L3MBTL4: variants seen among roughly 807,000 people sequenced by gnomAD.
The protein encoded by L3MBTL4 is lethal(3)malignant brain tumor-like protein 4.
L3MBTL4 carries 70 observed loss-of-function variants against 84.5 expected under a neutral mutation model. That is an observed-to-expected ratio of 0.83 (90% CI 0.68 to 1.01). The LOEUF (loss-of-function observed/expected upper bound fraction) is 1.01, where lower values mean the gene tolerates loss of function less well. L3MBTL4 is among the 50% of genes least tolerant of loss of function. The pLI is 0.00. For synonymous variants in L3MBTL4, 274 were observed against 259.8 expected, an observed-to-expected ratio of 1.05 and a Z score of -0.52; for missense variants, 715 against 754.8, an observed-to-expected ratio of 0.95 and a Z score of 0.62.
intron 1 of L3MBTL4, among the ~76,000 whole-genome samples, chr18:6,358,567 A>G (rs1462224700): frequency 6.6e-6 from 1 of 152,246 alleles, no homozygotes; most frequent in Non-Finnish European, 1.5e-5. Context: ...GCAAAAGTCT[A>G]AGGCTTACGG....
intron 1 of L3MBTL4, among the ~76,000 whole-genome samples, chr18:6,331,680 T>C (rs565577328): frequency 2.1e-4 from 32 of 152,166 alleles, no homozygotes; most frequent in African/African-American, 7.2e-4. Context: ...CTTGGTAAGA[T>C]ACGAACAATT....
chr18:5,978,219 A>G (rs472334), intron 16 of L3MBTL4, among the ~76,000 whole-genome samples: 109,694 of 152,022 alleles, frequency 0.72, 41,196 homozygotes, highest in East Asian at 0.95. Flanking sequence ...AGTTGTTTGT[A>G]ACATGAAATC....
At chr18:6,237,609 C>T (rs2047268797) in intron 10 of L3MBTL4, among the ~76,000 whole-genome samples, 1 of 151,754 alleles carries the variant, frequency 6.6e-6, no homozygotes, top group South Asian at 2.1e-4. Context: ...GTGCCCACCA[C>T]CACACCCAGC....
At chr18:6,272,434 A>T in intron 4 of L3MBTL4, among the ~76,000 whole-genome samples, 1 of 146,834 alleles carries the variant, frequency 6.8e-6, no homozygotes, top group Non-Finnish European at 1.5e-5. Flanking sequence ...ACTGAATATA[A>T]GGAACACAGA....
chr18:6,018,458 C>G (rs2055101437), intron 16 of L3MBTL4, among the ~76,000 whole-genome samples: 1 of 152,124 alleles, frequency 6.6e-6, no homozygotes, highest in Non-Finnish European at 1.5e-5. Context: ...TGACACCAAC[C>G]CCTTTTCCTA....
intron 1 of L3MBTL4, among the ~76,000 whole-genome samples, chr18:6,350,837 G>T (rs1168080620): frequency 2.6e-5 from 4 of 152,118 alleles, no homozygotes; most frequent in Non-Finnish European, 5.9e-5. Context: ...TGTCCATTAT[G>T]GATGAATCGA....
intron 16 of L3MBTL4, among the ~76,000 whole-genome samples, chr18:6,051,393 G>A (rs977029501): frequency 9.2e-5 from 14 of 152,260 alleles, no homozygotes; most frequent in African/African-American, 3.4e-4. Flanking sequence ...ACAAAAACTA[G>A]CCAGGCATGA....
At position 6,069,080 on chromosome 18, in the gene L3MBTL4, T is replaced by C. The variant is rs958608298; in HGVS notation, c.1444+11801A>G. The stretch of plus-strand genomic sequence containing the variant: ...GAACTAATTTCAAGTCTCCCAGCAG[T>C]GTACACCAGCACCATCTTTGATGGA... On this transcript the variant is annotated intron_variant, in intron 16 of 18. Coordinates refer to ENST00000317931, the MANE Select transcript of L3MBTL4 (RefSeq NM_001330559.2). 2.6e-5 allele frequency among the ~76,000 whole-genome samples: 4 copies of C among 152,216 alleles called. No individual in the cohort carries two copies. In the East Asian group the frequency reaches 7.7e-4, roughly 29 times the overall value.
intron 16 of L3MBTL4, among the ~76,000 whole-genome samples, chr18:6,012,562 T>G (rs1017746079): frequency 6.6e-6 from 1 of 152,070 alleles, no homozygotes; most frequent in African/African-American, 2.4e-5. Flanking sequence ...CAGTGGCTCA[T>G]GCCTATAATC....
At chr18:6,339,765 A>G (rs969753165) in intron 1 of L3MBTL4, among the ~76,000 whole-genome samples, 22 of 152,192 alleles carry the variant, frequency 1.4e-4, no homozygotes, top group Admixed American at 8.5e-4. Flanking sequence ...ATATGATTAC[A>G]GATCATACAT....
chr18:6,183,157 T>A (rs896226985), intron 12 of L3MBTL4, among the ~76,000 whole-genome samples: 3 of 152,156 alleles, frequency 2.0e-5, no homozygotes, highest in Admixed American at 6.5e-5. Flanking sequence ...GGGTTTTAAT[T>A]CTTGTTAAGA....
chr18:6,112,803 T>C (rs2059234631), intron 14 of L3MBTL4, among the ~76,000 whole-genome samples: 1 of 152,212 alleles, frequency 6.6e-6, no homozygotes, highest in African/African-American at 2.4e-5. Flanking sequence ...AAATTGGCTT[T>C]TGGAGAGGAA....
At chr18:6,014,279 A>G (rs1412165827) in intron 16 of L3MBTL4, among the ~76,000 whole-genome samples, 1 of 152,156 alleles carries the variant, frequency 6.6e-6, no homozygotes, top group Non-Finnish European at 1.5e-5. Flanking sequence ...CCACTGATGA[A>G]TTCTCTATAA....
At chr18:6,235,372 G>A (rs1014363253) in intron 10 of L3MBTL4, among the ~76,000 whole-genome samples, 3 of 151,896 alleles carry the variant, frequency 2.0e-5, no homozygotes, top group Non-Finnish European at 4.4e-5. Flanking sequence ...AGAGAAAATT[G>A]TACATGAATG....
At chr18:6,182,400 G>T (rs1181578572) in intron 12 of L3MBTL4, among the ~76,000 whole-genome samples, 2 of 152,110 alleles carry the variant, frequency 1.3e-5, no homozygotes, top group African/African-American at 4.8e-5. Context: ...TTTTAATGGG[G>T]TTGTTTGATT....
intron 4 of L3MBTL4, among the ~76,000 whole-genome samples, chr18:6,277,456 C>T (rs2049136523): frequency 1.3e-5 from 2 of 152,168 alleles, no homozygotes; most frequent in Non-Finnish European, 2.9e-5. Flanking sequence ...TCACATATCT[C>T]CTTCTGGTTT....
At chr18:6,093,694 A>G (rs1241187344) in intron 14 of L3MBTL4, among the ~76,000 whole-genome samples, 166 bp from the exon 15 acceptor site, 2 of 152,214 alleles carry the variant, frequency 1.3e-5, no homozygotes, top group Non-Finnish European at 2.9e-5. Context: ...GCCTTTTGAG[A>G]AAATCTCAGG....
chr18:5,998,526 C>T (rs2054079615), intron 16 of L3MBTL4, among the ~76,000 whole-genome samples: 1 of 152,120 alleles, frequency 6.6e-6, no homozygotes, highest in Non-Finnish European at 1.5e-5. Flanking sequence ...GTCACTTAAC[C>T]AAAGGGTGGT....
chr18:6,176,503 T>C lies in L3MBTL4; in HGVS notation c.982-4561A>G, dbSNP rs143130577. The stretch of plus-strand genomic sequence containing the variant: ...ACCAGAATGCTTGAACATCAACATG[T>C]GAAAAAAAATGAGCCAGCTGACTTC... On this transcript the variant is annotated intron_variant, in intron 12 of 18. Transcript: ENST00000317931. Among the ~76,000 whole-genome samples the C allele has an allele frequency of 3.3e-3, 499 of 151,934 alleles. 2 individuals carry two copies. Among genetic ancestry groups the C allele is most frequent in the African/African-American group, 0.011 (465 of 41,438 alleles).
Sources: allele counts gnomAD v4.1 joint callset (sites outside exome capture counted in the v4.1 genomes callset), GRCh38; gene constraint gnomAD v4.1.1; transcripts MANE v1.5; gene names NCBI Gene and HGNC (gene_info 2026-07-23, HGNC 2026-07-21).